RACK1: variants seen among roughly 807,000 people sequenced by gnomAD.
RACK1 encodes the protein receptor for activated C kinase 1, also known as small ribosomal subunit protein RACK1.
Under a neutral mutation model 42.2 loss-of-function variants are expected in RACK1, and 3 were observed. That is an observed-to-expected ratio of 0.07 (90% confidence interval 0.03 to 0.18). The LOEUF is 0.18. Ranked by LOEUF, RACK1 falls within the 10% of genes least tolerant of loss-of-function variation. The pLI, the probability that RACK1 is intolerant of heterozygous loss-of-function variation, is 1.00. For synonymous variants in RACK1, 181 were observed against 154.8 expected, an observed-to-expected ratio of 1.17 and a Z score of -1.25; for missense variants, 146 against 403.2, an observed-to-expected ratio of 0.36 and a Z score of 5.46.
At position 181,243,753 on chromosome 5, in the gene RACK1, G is replaced by A. The variant is rs778459490; in HGVS notation, c.48C>T (p.Gly16=). The A allele has an allele frequency of 1.6e-5, 26 of 1,609,918 alleles. No individual in the cohort carries two copies. In the Middle Eastern group the frequency reaches 3.8e-3, roughly 235 times the overall value. ...GGGTAGTAGCGATCTGGGTTACCCA[G>A]CCGTTGTGGCCCTTGAGGGTGCCAC... ...TLRGTLKGHN[G]WVTQIATTPQ... is the part of the protein sequence containing the mutation. Residue 16 remains glycine, a synonymous_variant, in exon 1 of 8, where the codon GGC becomes GGT. Transcript: ENST00000512805.
At chr5:181,237,242 A>G in intron 7 of RACK1, 200 bp from the exon 8 acceptor site, 3 of 1,016,202 alleles carry the variant, frequency 3.0e-6, no homozygotes, top group Non-Finnish European at 4.5e-6. Flanking sequence ...TCCAGTAGGC[A>G]TGTGCCACAA....
intron 7 of RACK1, 75 bp from the exon 8 acceptor site, chr5:181,237,117 C>CT (rs1187082553): frequency 6.9e-6 from 11 of 1,596,930 alleles, no homozygotes; most frequent in Middle Eastern, 1.7e-4. Context: ...GCCCAAGTGG[C>CT]TTTTTTTGAG....
intron 1 of RACK1, chr5:181,243,233 G>A (rs752126764): frequency 3.0e-6 from 4 of 1,322,442 alleles, no homozygotes; most frequent in African/African-American, 1.5e-5. Flanking sequence ...AGAACCAGGG[G>A]CAGAAAAAGT....
chr5:181,237,918 A>G lies in RACK1; in HGVS notation c.777+181T>C, dbSNP rs1175958242. ...TCTAGTAGAAGCTGGAAATGCTGCT[A>G]AACATCCTGGAATGTACAGGACTGC... is the stretch of plus-strand genomic sequence containing the variant. On this transcript the variant is annotated intron_variant, in intron 6 of 7. Coordinates refer to ENST00000512805, the MANE Select transcript of RACK1 (RefSeq NM_006098.5). 5 of 683,710 alleles carry G rather than the reference A, an allele frequency of 7.3e-6. No individual in the cohort carries two copies. In the Admixed American group the frequency reaches 1.3e-4, roughly 18 times the overall value. 42.4% of individuals were successfully genotyped at this position (683,710 alleles called of 1,614,324 possible). A position where few individuals can be genotyped will look rare whatever the true frequency, so the allele number is the denominator to read the frequency against.
chr5:181,242,122 C>G (rs1759369969), intron 2 of RACK1, 52 bp downstream of exon 2: 1 of 1,535,274 alleles, frequency 6.5e-7, no homozygotes, highest in African/African-American at 1.4e-5. Flanking sequence ...ATCCACCTCA[C>G]TTCTGCCCAG....
At chr5:181,237,552 A>G in intron 7 of RACK1, 57 bp downstream of exon 7, 1 of 911,464 alleles carries the variant, frequency 1.1e-6, no homozygotes, top group Non-Finnish European at 1.9e-6. Flanking sequence ...TACTAACAGA[A>G]TGAGAGGGAG....
chr5:181,237,173 G>A (rs1159662498), intron 7 of RACK1, 131 bp from the exon 8 acceptor site: 17 of 1,508,918 alleles, frequency 1.1e-5, no homozygotes, highest in African/African-American at 8.3e-5. Flanking sequence ...GCAGGGGTGC[G>A]ATCCTGGCTC....
rs763442802 is a variant in RACK1, at chr5:181,241,789, G to A, written c.282-150C>T. ...CACAGAGTCAAGTGACTGAGTATATGAAAGAGAAGAGCCAAGTGACAGAGA... is the reference window on the plus strand; with the variant it reads ...CACAGAGTCAAGTGACTGAGTATATAAAAGAGAAGAGCCAAGTGACAGAGA... On this transcript the variant is annotated intron_variant, in intron 2 of 7. Transcript: ENST00000512805. 1.7e-5 allele frequency: 15 copies of A among 867,754 alleles called. No individual in the cohort carries two copies. The Admixed American group carries it at 2.5e-4, about 15-fold the overall frequency. 53.8% of individuals were successfully genotyped at this position (867,754 alleles called of 1,614,324 possible).
chr5:181,241,780 T>A, intron 2 of RACK1, 141 bp from the exon 3 acceptor site: 1 of 908,068 alleles, frequency 1.1e-6, no homozygotes, highest in Non-Finnish European at 1.8e-6. Flanking sequence ...GTCAAGTGAC[T>A]GAGTATATGA....
chr5:181,240,573 GCTGCGGCAACTCCCTTTC>G (rs1304232020), intron 3 of RACK1: 2 of 152,088 alleles, frequency 1.3e-5, no homozygotes, highest in Admixed American at 1.3e-4. Flanking sequence ...CGGCTTCTGA[GCTGCGGCAACTCCCTTTC>G]ACCTTTTCAC....
At chr5:181,243,539 C>T in intron 1 of RACK1, 153 bp downstream of exon 1, 1 of 1,396,124 alleles carries the variant, frequency 7.2e-7, no homozygotes, top group East Asian at 2.5e-5. Context: ...CTCGGGTCCG[C>T]ACGCCCCAAT....
chr5:181,242,065 C>T (rs1759367334), intron 2 of RACK1, 109 bp downstream of exon 2: 10 of 991,296 alleles, frequency 1.0e-5, no homozygotes, highest in Non-Finnish European at 1.6e-5. Flanking sequence ...GCTCTGCTTT[C>T]CAGTTCCCAA....
intron 5 of RACK1, chr5:181,238,863 T>A: frequency 1.6e-6 from 1 of 615,780 alleles, no homozygotes; most frequent in Non-Finnish European, 3.0e-6. Context: ...TTATAGAAAA[T>A]CATCTTTTTC....
chr5:181,238,293 C>G, intron 5 of RACK1, 54 bp from the exon 6 acceptor site: 1 of 1,570,486 alleles, frequency 6.4e-7, no homozygotes, highest in African/African-American at 1.3e-5. Flanking sequence ...GATGTTAATT[C>G]TGCCCATCTC....
chr5:181,236,898 T>C lies in RACK1; in HGVS notation c.*79A>G. On this transcript the variant is annotated 3_prime_UTR_variant, in exon 8 of 8. Transcript: ENST00000512805. ...TAAGCAATGTAGATAGAATGGAGCT[T>C]TTTTGCATATAAGAAAAAAAAACCT... The C allele has an allele frequency of 6.6e-7, 1 of 1,508,876 alleles. No homozygotes were observed. The highest frequency in any genetic ancestry group is 8.8e-7 in the Non-Finnish European group (1 of 1,132,804). The allele number at this position is 1,508,876 out of a possible 1,614,324, so 93.5% of individuals were successfully genotyped here. A position where few individuals can be genotyped will look rare whatever the true frequency, so the allele number is the denominator to read the frequency against.
rs928913281 is a variant in RACK1 at position 181,243,680 on chromosome 5, C to T, written c.109+12G>A. The stretch of plus-strand genomic sequence containing the variant: ...TGCAATCTCGGGTCCTGAAATCTAC[C>T]TTAGTCCGTACCTCGAGAGGCGGAG... On this transcript the variant is annotated intron_variant, in intron 1 of 7. Coordinates refer to ENST00000512805, the MANE Select transcript of RACK1 (RefSeq NM_006098.5). The T allele has an allele frequency of 6.3e-6, 10 of 1,586,156 alleles. No homozygotes were observed. The highest frequency in any genetic ancestry group is 7.7e-6 in the Non-Finnish European group (9 of 1,166,018).
intron 7 of RACK1, 172 bp downstream of exon 7, chr5:181,237,437 C>CAG (rs1328801474): frequency 5.1e-5 from 34 of 670,802 alleles, no homozygotes; most frequent in Middle Eastern, 4.8e-4. Flanking sequence ...CCCTCTGATG[C>CAG]AGAAACACAT....
Position 181,243,768 on chromosome 5 carries a change from G to A in RACK1, c.33C>T (p.Leu11=), listed in dbSNP as rs746969023. Residue 11 remains leucine (L), a synonymous_variant, in exon 1 of 8, where the codon CTC becomes CTT. Transcript: ENST00000512805. ...GGGTTACCCAGCCGTTGTGGCCCTT[G>A]AGGGTGCCACGAAGGGTCATCTGCT... MTEQMTLRGT[L]KGHNGWVTQI... 1.9e-5 allele frequency: 30 copies of A among 1,608,586 alleles called. No homozygotes were observed. In the Admixed American group the frequency reaches 2.4e-4, roughly 13 times the overall value.
intron 5 of RACK1, chr5:181,238,829 AAAC>A (rs71593431): frequency 0.14 from 68,267 of 504,174 alleles, 5,029 homozygotes; most frequent in Middle Eastern, 0.16. Context: ...ACAAACAAAA[AAAC>A]AACAAAAAAA....
Sources: allele counts gnomAD v4.1 joint callset, GRCh38; gene constraint gnomAD v4.1.1; transcripts MANE v1.5; gene names NCBI Gene and HGNC (gene_info 2026-07-23, HGNC 2026-07-21).